The following EXOC6 variants were observed in gnomAD, a reference collection of about 807,000 sequenced individuals.
EXOC6 encodes the protein SEC15-like 1.
Under a neutral mutation model 112.5 loss-of-function variants are expected in EXOC6, and 60 were observed. That is an observed-to-expected ratio of 0.53 (90% CI 0.43 to 0.66). The LOEUF is 0.66. Ranked by LOEUF, EXOC6 falls within the 30% of genes least tolerant of loss-of-function variation. The pLI is 0.00. For synonymous variants in EXOC6, 295 were observed against 308.0 expected, an observed-to-expected ratio of 0.96 and a Z score of 0.44; for missense variants, 855 against 957.1, an observed-to-expected ratio of 0.89 and a Z score of 1.41.
In EXOC6 at chr10:92,909,553, C is replaced by T; in HGVS notation, c.585C>T (p.Ile195=). 1.9e-6 allele frequency: 3 copies of T among 1,613,132 alleles called. No homozygotes were observed. Among genetic ancestry groups the T allele is most frequent in the Non-Finnish European group, 2.5e-6 (3 of 1,179,332 alleles). Residue 195 remains isoleucine (I), a synonymous_variant, in exon 6 of 22, where the codon ATC becomes ATT. Transcript: ENST00000260762. ...AACTCCGTGAGGATATTAAAGAAAT[C>T]TCCATGTCTGATCTCAAAGACTTTT... is the stretch of plus-strand genomic sequence containing the variant. ...LPKLREDIKE[I]SMSDLKDFLE...
intron 17 of EXOC6, among the ~76,000 whole-genome samples, chr10:92,964,405 GTAAC>G (rs890095116): frequency 7.9e-5 from 12 of 152,038 alleles, no homozygotes; most frequent in African/African-American, 2.9e-4. Flanking sequence ...TATATGCAGT[GTAAC>G]TAACATTAGA....
At chr10:92,979,234 C>T (rs533435350) in intron 18 of EXOC6, among the ~76,000 whole-genome samples, 1 of 152,326 alleles carries the variant, frequency 6.6e-6, no homozygotes, top group Non-Finnish European at 1.5e-5. Flanking sequence ...AATCTTGGCT[C>T]ACTGCAGCCT....
chr10:92,828,623 T>C, intron 1 of EXOC6, among the ~76,000 whole-genome samples: 1 of 135,216 alleles, frequency 7.4e-6, no homozygotes. Context: ...TGTGAGCCAC[T>C]GTGCCCCGCC....
At chr10:92,910,394 C>A (rs543961894) in intron 6 of EXOC6, among the ~76,000 whole-genome samples, 32 of 152,146 alleles carry the variant, frequency 2.1e-4, no homozygotes, top group Admixed American at 1.4e-3. Context: ...TGTGTGATTC[C>A]ATTTTTACGT....
chr10:92,946,272 G>T (rs2133989617), intron 13 of EXOC6, among the ~76,000 whole-genome samples: 1 of 152,066 alleles, frequency 6.6e-6, no homozygotes, highest in Non-Finnish European at 1.5e-5. Flanking sequence ...CTCCAGCCTG[G>T]GTGACAGAGC....
intron 18 of EXOC6, among the ~76,000 whole-genome samples, chr10:92,975,817 A>G (rs1235834141): frequency 1.5e-5 from 2 of 130,962 alleles, no homozygotes; most frequent in South Asian, 5.1e-4. Flanking sequence ...GCGCCCGGCC[A>G]GCCGCCCCGT....
At chr10:92,944,197 A>G (rs1852836264) in intron 13 of EXOC6, among the ~76,000 whole-genome samples, 1 of 151,924 alleles carries the variant, frequency 6.6e-6, no homozygotes, top group African/African-American at 2.4e-5. Flanking sequence ...GAACATGGGA[A>G]TGCAGATAAC....
chr10:92,848,720 C>G, intron 1 of EXOC6, 86 bp downstream of exon 1: 3 of 1,103,398 alleles, frequency 2.7e-6, no homozygotes, highest in Non-Finnish European at 3.4e-6. Flanking sequence ...CGCCGCCGGC[C>G]GCGCGCGAAG....
chr10:92,860,193 T>G (rs1156517955), intron 1 of EXOC6, among the ~76,000 whole-genome samples: 1 of 152,114 alleles, frequency 6.6e-6, no homozygotes. Flanking sequence ...TTTAATAATT[T>G]CTACATATAA....
chr10:92,892,188 A>T (rs1217250341), intron 1 of EXOC6, among the ~76,000 whole-genome samples: 2 of 152,000 alleles, frequency 1.3e-5, no homozygotes, highest in Non-Finnish European at 2.9e-5. Context: ...TGTTACACTC[A>T]TAGTTACTGT....
intron 12 of EXOC6, among the ~76,000 whole-genome samples, chr10:92,937,749 A>G (rs1301354876): frequency 6.6e-6 from 1 of 152,156 alleles, no homozygotes; most frequent in Non-Finnish European, 1.5e-5. Context: ...AGCTTGAGAT[A>G]TTAGGTTAGT....
intron 18 of EXOC6, among the ~76,000 whole-genome samples, chr10:92,975,602 C>G (rs1388450961): frequency 1.4e-5 from 2 of 146,206 alleles, no homozygotes; most frequent in African/African-American, 2.5e-5. Context: ...GCCGCCCCGT[C>G]CGGGAGGGAG....
At chr10:92,936,773 G>A (rs1852368054) in intron 12 of EXOC6, among the ~76,000 whole-genome samples, 1 of 152,130 alleles carries the variant, frequency 6.6e-6, no homozygotes, top group South Asian at 2.1e-4. Flanking sequence ...ATTACGGGGT[G>A]GGGTGTGTAC....
intron 1 of EXOC6, among the ~76,000 whole-genome samples, chr10:92,885,246 AT>A (rs1308625108): frequency 6.6e-6 from 1 of 152,140 alleles, no homozygotes; most frequent in South Asian, 2.1e-4. Flanking sequence ...GATACTTAAA[AT>A]TTTTTTAGCT....
At chr10:92,848,146 G>A (rs1847124209), upstream of EXOC6, among the ~76,000 whole-genome samples, 1 of 152,144 alleles carries the variant, frequency 6.6e-6, no homozygotes, top group Non-Finnish European at 1.5e-5. Context: ...TACAGATTCA[G>A]GGTGATGATC....
chr10:92,910,127 C>T (rs1850658823), intron 6 of EXOC6, among the ~76,000 whole-genome samples: 1 of 152,178 alleles, frequency 6.6e-6, no homozygotes, highest in South Asian at 2.1e-4. Flanking sequence ...TCAGCAGTTC[C>T]ACTCCTAGGT....
chr10:92,943,903 G>GC (rs1198889177), intron 13 of EXOC6, among the ~76,000 whole-genome samples: 2 of 152,066 alleles, frequency 1.3e-5, no homozygotes, highest in Non-Finnish European at 2.9e-5. Context: ...CTTTCTGATC[G>GC]CCCTACCCTC....
intron 5 of EXOC6, among the ~76,000 whole-genome samples, chr10:92,906,180 A>G (rs1850431845): frequency 6.6e-6 from 1 of 152,160 alleles, no homozygotes; most frequent in Non-Finnish European, 1.5e-5. Flanking sequence ...GATTAGTGTC[A>G]ATATGGTATA....
intron 13 of EXOC6, among the ~76,000 whole-genome samples, chr10:92,941,783 A>T (rs1852680867): frequency 6.6e-6 from 1 of 152,224 alleles, no homozygotes; most frequent in African/African-American, 2.4e-5. Flanking sequence ...CATGGACAAA[A>T]GTATTTTAAT....
Sources: allele counts gnomAD v4.1 joint callset (sites outside exome capture counted in the v4.1 genomes callset), GRCh38; gene constraint gnomAD v4.1.1; transcripts MANE v1.5; gene names NCBI Gene and HGNC (gene_info 2026-07-23, HGNC 2026-07-21).